HDAC4: variants seen among roughly 807,000 people sequenced by gnomAD.
The protein encoded by HDAC4 is histone deacetylase A.
A neutral mutation model predicts 135.1 loss-of-function variants in HDAC4; 16 were observed. The ratio of observed to expected loss-of-function variants is 0.12; its 90% CI spans 0.08 to 0.18. The LOEUF (loss-of-function observed/expected upper bound fraction) is 0.18, where lower values mean the gene tolerates loss of function less well. Among genes scored for constraint, HDAC4 ranks in the 10% least tolerant of loss-of-function variants. HDAC4 has a pLI of 1.00. For synonymous variants in HDAC4, 685 were observed against 653.4 expected (o/e 1.05, Z -0.74); for missense variants, 1,143 against 1,511.8 (o/e 0.76, Z 4.05).
At chr2:239,350,614 C>T (rs1693075278) in intron 2 of HDAC4, among the ~76,000 whole-genome samples, 1 of 152,230 alleles carries the variant, frequency 6.6e-6, no homozygotes, top group Non-Finnish European at 1.5e-5. Context: ...AGCGATTATC[C>T]TGCCTGAGCC....
intron 4 of HDAC4, among the ~76,000 whole-genome samples, chr2:239,181,739 A>G (rs2044166690): frequency 1.3e-5 from 2 of 152,136 alleles, no homozygotes; most frequent in African/African-American, 4.8e-5. Context: ...CTTGCACCTA[A>G]ATATTTAACC....
chr2:239,246,651 G>A (rs1161855271), intron 2 of HDAC4, among the ~76,000 whole-genome samples: 1 of 152,230 alleles, frequency 6.6e-6, no homozygotes, highest in Non-Finnish European at 1.5e-5. Flanking sequence ...GTGTCTCAGG[G>A]CCTCTCCTAG....
In HDAC4 at chr2:239,352,984, A is replaced by G; in HGVS notation, c.-219-66T>C. 1 of 459,830 alleles carries G rather than the reference A, an allele frequency of 2.2e-6. No homozygotes were observed. The highest frequency in any genetic ancestry group is 4.0e-6 in the Non-Finnish European group (1 of 250,896). 28.5% of individuals were successfully genotyped at this position (459,830 alleles called of 1,614,324 possible). A position where few individuals can be genotyped will look rare whatever the true frequency, so the allele number is the denominator to read the frequency against. ...TGGAAGTTCCGATCTGGAAAACAAC[A>G]TCCAACTAGGGAAATGATGACTTCC... On this transcript the variant is annotated intron_variant, in intron 1 of 26. Coordinates refer to ENST00000543185, the MANE Select transcript of HDAC4 (RefSeq NM_001378414.1). This position sits in a 1 kb window ranked among gnomAD's most constrained non-coding sequence, Gnocchi z 4.4.
chr2:239,291,958 G>A (rs760430577), intron 2 of HDAC4, among the ~76,000 whole-genome samples: 1 of 152,220 alleles, frequency 6.6e-6, no homozygotes, highest in Admixed American at 6.5e-5. Context: ...AGCAACTGAT[G>A]GGGCAGGATG....
intron 2 of HDAC4, among the ~76,000 whole-genome samples, chr2:239,248,223 C>G (rs1274982395): frequency 6.6e-6 from 1 of 152,014 alleles, no homozygotes; most frequent in Non-Finnish European, 1.5e-5. Flanking sequence ...CTCTGTCACC[C>G]AGGCTGAAGT....
chr2:239,073,395 G>A (rs917720265), intron 22 of HDAC4, among the ~76,000 whole-genome samples: 3 of 152,240 alleles, frequency 2.0e-5, no homozygotes, highest in Non-Finnish European at 4.4e-5. Flanking sequence ...GGTCAGATAG[G>A]AGGCACCTGA....
At chr2:239,156,472 A>G (rs1161638701) in intron 7 of HDAC4, among the ~76,000 whole-genome samples, 180 bp downstream of exon 7, 1 of 152,266 alleles carries the variant, frequency 6.6e-6, no homozygotes, top group Non-Finnish European at 1.5e-5. Context: ...TGAAATAAAT[A>G]ATAAGGAAAT....
intron 7 of HDAC4, among the ~76,000 whole-genome samples, chr2:239,145,226 G>A (rs2041674757): frequency 1.3e-5 from 2 of 152,176 alleles, no homozygotes. Flanking sequence ...TTTCTTGCTC[G>A]CCCATGCATC....
intron 4 of HDAC4, among the ~76,000 whole-genome samples, chr2:239,188,077 G>A (rs1462425007): frequency 1.3e-5 from 2 of 152,178 alleles, no homozygotes; most frequent in Non-Finnish European, 2.9e-5. Context: ...TCAGGGTCCA[G>A]CCAGAAACCT....
intron 3 of HDAC4, among the ~76,000 whole-genome samples, chr2:239,225,499 T>G (rs916003660): frequency 6.6e-6 from 1 of 152,208 alleles, no homozygotes; most frequent in African/African-American, 2.4e-5. Flanking sequence ...TCCCACCACC[T>G]GCAGGGTGCC....
At chr2:239,318,109 G>A (rs1008063751) in intron 2 of HDAC4, among the ~76,000 whole-genome samples, 4 of 152,106 alleles carry the variant, frequency 2.6e-5, no homozygotes, top group African/African-American at 9.7e-5. Context: ...TGAGACTTGT[G>A]GGTCAGTGCT....
chr2:239,243,003 G>A (rs2048274352), intron 2 of HDAC4, among the ~76,000 whole-genome samples: 1 of 152,066 alleles, frequency 6.6e-6, no homozygotes, highest in Non-Finnish European at 1.5e-5. Context: ...TTGGGAACAG[G>A]AAGGCAGCAA....
At chr2:239,055,992 G>A (rs2031781996) in intron 24 of HDAC4, among the ~76,000 whole-genome samples, 1 of 152,190 alleles carries the variant, frequency 6.6e-6, no homozygotes, top group Admixed American at 6.5e-5. Flanking sequence ...AGGAGCGTTT[G>A]GGTTTTAACT....
intron 11 of HDAC4, among the ~76,000 whole-genome samples, chr2:239,132,578 A>G (rs1044785778): frequency 6.6e-6 from 1 of 152,194 alleles, no homozygotes; most frequent in African/African-American, 2.4e-5. Context: ...CATGCCAACG[A>G]GCAAGCTGCA....
intron 2 of HDAC4, among the ~76,000 whole-genome samples, chr2:239,263,968 G>C (rs527762164): frequency 2.6e-4 from 40 of 152,312 alleles, no homozygotes; most frequent in African/African-American, 9.4e-4. Context: ...AGGGTACGTG[G>C]GCACCTCTGA....
At chr2:239,130,549 T>TGC (rs1182731597) in intron 11 of HDAC4, among the ~76,000 whole-genome samples, 1 of 133,720 alleles carries the variant, frequency 7.5e-6, no homozygotes, top group Non-Finnish European at 1.7e-5. Context: ...CCTCCACCTG[T>TGC]CCTTAAGACG....
intron 3 of HDAC4, among the ~76,000 whole-genome samples, chr2:239,231,911 G>A (rs1331055981): frequency 4.8e-5 from 7 of 147,146 alleles, no homozygotes; most frequent in Non-Finnish European, 9.1e-5. Flanking sequence ...CCTGAGGTAG[G>A]TGTCCTCCCC....
intron 11 of HDAC4, among the ~76,000 whole-genome samples, chr2:239,132,769 A>T (rs930128282): frequency 5.9e-5 from 9 of 152,258 alleles, no homozygotes; most frequent in Non-Finnish European, 1.3e-4. Flanking sequence ...AAACTGATTT[A>T]GAGAAGGAAA....
chr2:239,205,724 GAGA>G (rs1261574904), intron 3 of HDAC4, among the ~76,000 whole-genome samples: 4 of 152,076 alleles, frequency 2.6e-5, no homozygotes, highest in African/African-American at 9.7e-5. Flanking sequence ...AGGAGGGAGG[GAGA>G]AGAACAAAGA....
Sources: allele counts gnomAD v4.1 joint callset (sites outside exome capture counted in the v4.1 genomes callset), GRCh38; gene constraint gnomAD v4.1.1; non-coding constraint Gnocchi (gnomAD v3.1); transcripts MANE v1.5; gene names NCBI Gene and HGNC (gene_info 2026-07-23, HGNC 2026-07-21).